Variants in PCNX2 observed in about 807,000 individuals in gnomAD.
PCNX2 encodes pecanex 2.
In PCNX2, 168 loss-of-function variants were observed where a neutral mutation model predicts 223.8. The observed-to-expected ratio is 0.75, with a 90% CI of 0.66 to 0.85. PCNX2 has a LOEUF of 0.85. Among genes scored for constraint, PCNX2 ranks in the 40% least tolerant of loss-of-function variants. The pLI, the probability that PCNX2 is intolerant of heterozygous loss-of-function variation, is 0.00. For missense variants in PCNX2, 2,507 were observed against 2,675.5 expected, an observed-to-expected ratio of 0.94 and a Z score of 1.39; for synonymous variants, 1,006 against 1,052.6, an observed-to-expected ratio of 0.96 and a Z score of 0.86.
At position 232,984,108 on chromosome 1, in the gene PCNX2, ATTTTTTTTTT is replaced by A. The variant is rs373209360; in HGVS notation, c.*186_*195del. 20 of 135,152 alleles carry A rather than the reference ATTTTTTTTTT, an allele frequency of 1.5e-4. No individual in the cohort carries two copies. In the Admixed American group the frequency reaches 1.7e-3, roughly 11 times the overall value. 8.4% of individuals were successfully genotyped at this position (135,152 alleles called of 1,614,324 possible). A position where few individuals can be genotyped will look rare whatever the true frequency, so the allele number is the denominator to read the frequency against. On this transcript the variant is annotated 3_prime_UTR_variant, in exon 34 of 34. Transcript: ENST00000258229. Reference sequence around the variant, plus strand: ...GAGGTTTTTTTGTTGTTGTTGTTTGATTTTTTTTTTTTTTTTTTTTTTTTTTTCAAAAACC... The same window carrying A: ...GAGGTTTTTTTGTTGTTGTTGTTTGATTTTTTTTTTTTTTTTTCAAAAACC...
At chr1:233,065,106 G>A (rs992251293) in intron 23 of PCNX2, among the ~76,000 whole-genome samples, 1 of 151,998 alleles carries the variant, frequency 6.6e-6, no homozygotes, top group African/African-American at 2.4e-5. Flanking sequence ...TTTTCTCTCT[G>A]TTTACATTCC....
the PCNX2 span, among the ~76,000 whole-genome samples, chr1:233,320,095 T>C: frequency 1.3e-5 from 2 of 152,214 alleles, no homozygotes; most frequent in Non-Finnish European, 2.9e-5. Flanking sequence ...CTCATAAAGA[T>C]ATGTATTTGC....
At chr1:233,161,427 G>GA in intron 17 of PCNX2, 64 bp from the exon 18 acceptor site, 1 of 1,390,980 alleles carries the variant, frequency 7.2e-7, no homozygotes, top group Non-Finnish European at 1.0e-6. Flanking sequence ...TGTGTAACCA[G>GA]GTAAATCAAG....
the PCNX2 span, among the ~76,000 whole-genome samples, chr1:233,320,740 A>G: frequency 6.6e-6 from 1 of 152,222 alleles, no homozygotes; most frequent in Admixed American, 6.5e-5. Context: ...GGTCGTTTGG[A>G]ACATATTGGT....
At chr1:233,142,506 CCAAGG>C (rs1165943787) in intron 19 of PCNX2, among the ~76,000 whole-genome samples, 1 of 152,180 alleles carries the variant, frequency 6.6e-6, no homozygotes, top group African/African-American at 2.4e-5. Flanking sequence ...TAGCTCTTTC[CCAAGG>C]CAAGTGGCAA....
At chr1:233,179,751 T>TA (rs1434991082) in intron 15 of PCNX2, among the ~76,000 whole-genome samples, 2 of 152,238 alleles carry the variant, frequency 1.3e-5, no homozygotes, top group Non-Finnish European at 2.9e-5. Context: ...GCCCAGTTAG[T>TA]TGCTTTGGCT....
At chr1:233,102,926 A>G (rs1674569076) in intron 21 of PCNX2, among the ~76,000 whole-genome samples, 1 of 152,094 alleles carries the variant, frequency 6.6e-6, no homozygotes, top group Non-Finnish European at 1.5e-5. Flanking sequence ...GGCCTTACTC[A>G]ATAAATCTTT....
chr1:233,095,354 AAAT>A (rs1674103132), intron 22 of PCNX2: 1 of 167,740 alleles, frequency 6.0e-6, no homozygotes, highest in African/African-American at 2.4e-5. Context: ...CCATACTATA[AAAT>A]AATATACACT....
intron 33 of PCNX2, 174 bp from the exon 34 acceptor site, chr1:232,984,651 G>T: frequency 1.1e-5 from 7 of 629,600 alleles, no homozygotes; most frequent in Non-Finnish European, 1.8e-5. Context: ...GGCCTCTGAG[G>T]ACAGGACGGG....
At chr1:233,081,534 A>G (rs1307635823) in intron 23 of PCNX2, among the ~76,000 whole-genome samples, 2 of 152,122 alleles carry the variant, frequency 1.3e-5, no homozygotes, top group Non-Finnish European at 2.9e-5. Flanking sequence ...GGCCGGGGCC[A>G]TGGAGAAGCA....
At chr1:233,225,993 A>G (rs181330799) in intron 10 of PCNX2, among the ~76,000 whole-genome samples, 2 of 152,298 alleles carry the variant, frequency 1.3e-5, no homozygotes, top group African/African-American at 2.4e-5. Context: ...TGATCACACT[A>G]TTTAAGACAT....
At chr1:233,041,561 T>C (rs934046771) in intron 25 of PCNX2, among the ~76,000 whole-genome samples, 3 of 152,200 alleles carry the variant, frequency 2.0e-5, no homozygotes, top group African/African-American at 4.8e-5. Flanking sequence ...GTCAACTGCT[T>C]CTGATGTTTC....
intron 1 of PCNX2, among the ~76,000 whole-genome samples, chr1:233,270,352 G>A (rs1367809771): frequency 1.3e-5 from 2 of 152,098 alleles, no homozygotes; most frequent in African/African-American, 4.8e-5. Flanking sequence ...CAGAAAATCT[G>A]GAACTTGTGA....
rs6424175 is a variant in PCNX2, at chr1:233,241,990, G to A, written c.2223-5010C>T. Reference sequence around the variant, plus strand: ...ACCAGGTAGATAATTAAACATTGTGGCTTTAGAGGACTTTCCTGAAAGTTA... The same window carrying A: ...ACCAGGTAGATAATTAAACATTGTGACTTTAGAGGACTTTCCTGAAAGTTA... On this transcript the variant is annotated intron_variant, in intron 8 of 33. Coordinates refer to ENST00000258229, the MANE Select transcript of PCNX2 (RefSeq NM_014801.4). Among the ~76,000 whole-genome samples the A allele has an allele frequency of 7.5e-3, 1,143 of 152,222 alleles. 13 individuals carry two copies. Among genetic ancestry groups the A allele is most frequent in the African/African-American group, 0.026 (1,084 of 41,520 alleles).
chr1:233,169,276 T>C (rs1300385104), intron 17 of PCNX2, among the ~76,000 whole-genome samples: 2 of 152,132 alleles, frequency 1.3e-5, no homozygotes, highest in African/African-American at 4.8e-5. Context: ...GTCTGAAAAA[T>C]CATTTTCTCT....
intron 16 of PCNX2, among the ~76,000 whole-genome samples, chr1:233,178,486 T>C (rs559777142): frequency 6.6e-6 from 1 of 152,324 alleles, no homozygotes; most frequent in East Asian, 1.9e-4. Context: ...CTTAAAGATA[T>C]GATTAAAGGG....
At position 233,208,612 on chromosome 1, in the gene PCNX2, T is replaced by G; in HGVS notation, c.2769A>C (p.Thr923=). ...TGGGAGGGTGCCTGGCTTTGGCCCC[T>G]GTATCAAGAAGCAAAATAAGGCCAC... The part of the protein sequence containing the change: ...VLCGLILLLD[T]GAKARHPPSY... The change falls in exon 13 of 34, where the codon ACA becomes ACC. Residue 923 remains threonine (T), a synonymous_variant. Transcript: ENST00000258229. 2 of 1,613,808 alleles carry G rather than the reference T, an allele frequency of 1.2e-6. No homozygotes were observed. Among genetic ancestry groups the G allele is most frequent in the Non-Finnish European group, 1.7e-6 (2 of 1,179,846 alleles).
At chr1:233,048,238 C>G (rs1034553106) in intron 25 of PCNX2, among the ~76,000 whole-genome samples, 1 of 152,198 alleles carries the variant, frequency 6.6e-6, no homozygotes, top group African/African-American at 2.4e-5. Flanking sequence ...AGGCGGATCA[C>G]TTGAGGTCAG....
At position 233,161,313 on chromosome 1, in the gene PCNX2, G is replaced by C; in HGVS notation, c.3324C>G (p.Leu1108=). 1 of 1,613,934 alleles carries C rather than the reference G, an allele frequency of 6.2e-7. No homozygotes were observed. The highest frequency in any genetic ancestry group is 8.5e-7 in the Non-Finnish European group (1 of 1,179,854). Residue 1108 remains leucine (L), a synonymous_variant, in exon 18 of 34, where the codon CTC becomes CTG. Coordinates refer to ENST00000258229, the MANE Select transcript of PCNX2 (RefSeq NM_014801.4). The part of the protein sequence containing the change: ...DLIVCAVVAV[L]SFAVSASTVF... Reference sequence around the variant, plus strand: ...CAGTGCTGGCGCTGACTGCAAATGAGAGGACAGCAACCACTGCGCAGACGA... The same window carrying C: ...CAGTGCTGGCGCTGACTGCAAATGACAGGACAGCAACCACTGCGCAGACGA...
Sources: gnomAD v4.1 joint callset for allele counts (sites outside exome capture counted in the v4.1 genomes callset) on GRCh38, gnomAD v4.1.1 for gene constraint, MANE v1.5 for transcripts, NCBI Gene and HGNC (gene_info 2026-07-23, HGNC 2026-07-21) for gene names.